The following NPHP1 variants were observed in gnomAD, a reference collection of about 807,000 sequenced individuals.
NPHP1 encodes nephrocystin-1.
In NPHP1, 70 loss-of-function variants were observed where a neutral mutation model predicts 90.4. The ratio of observed to expected loss-of-function variants is 0.77; its 90% confidence interval spans 0.64 to 0.95. The LOEUF (loss-of-function observed/expected upper bound fraction) is 0.95, where lower values mean the gene tolerates loss of function less well. NPHP1 is among the 40% of genes least tolerant of loss of function. The pLI, the probability that NPHP1 is intolerant of heterozygous loss-of-function variation, is 0.00. For synonymous variants in NPHP1, 256 were observed against 271.7 expected, an observed-to-expected ratio of 0.94 and a Z score of 0.57; for missense variants, 764 against 795.9, an observed-to-expected ratio of 0.96 and a Z score of 0.48.
chr2:110,164,917 C>T, intron 7 of NPHP1, 135 bp downstream of exon 7: 1 of 876,858 alleles, frequency 1.1e-6, no homozygotes, highest in Non-Finnish European at 1.9e-6. Flanking sequence ...GATCTTTAAG[C>T]AGACAATAGT....
Position 110,124,972 on chromosome 2 carries a change from C to T in NPHP1, c.1761+665G>A, listed in dbSNP as rs1679245458. 10 of 408,884 alleles carry T rather than the reference C, an allele frequency of 2.4e-5. No homozygotes were observed. In the East Asian group the frequency reaches 3.9e-4, roughly 16 times the overall value. 25.3% of individuals were successfully genotyped at this position (408,884 alleles called of 1,614,324 possible). On this transcript the variant is annotated intron_variant, in intron 19 of 19. Coordinates refer to ENST00000445609, the MANE Select transcript of NPHP1 (RefSeq NM_001128178.3). ...GGACTGGTAAAGTATGGACTGTGGG[C>T]CAAATGTGGACTCTCACCTCTTTTC... is the stretch of plus-strand genomic sequence containing the variant.
At chr2:110,155,193 A>G (rs1469213277) in intron 11 of NPHP1, among the ~76,000 whole-genome samples, 2 of 152,150 alleles carry the variant, frequency 1.3e-5, no homozygotes. Context: ...TCCATGTGGT[A>G]TTGAGCCTGC....
At chr2:110,182,252 C>T (rs1007730883) in intron 2 of NPHP1, among the ~76,000 whole-genome samples, 3 of 151,880 alleles carry the variant, frequency 2.0e-5, no homozygotes, top group African/African-American at 7.3e-5. Context: ...CCTAGCAAGA[C>T]AAGCCAACAT....
chr2:110,200,651 A>C (rs1474964257), intron 2 of NPHP1, among the ~76,000 whole-genome samples: 4 of 152,210 alleles, frequency 2.6e-5, no homozygotes, highest in Admixed American at 2.0e-4. Context: ...AATTCAGTCT[A>C]TAAATCTTAC....
At chr2:110,184,659 G>T in intron 2 of NPHP1, 1 of 772,688 alleles carries the variant, frequency 1.3e-6, no homozygotes, top group Non-Finnish European at 2.3e-6. Flanking sequence ...GCATAAGGAG[G>T]GCTATGATTT....
At chr2:110,158,840 C>A (rs1682099350) in intron 11 of NPHP1, among the ~76,000 whole-genome samples, 1 of 151,940 alleles carries the variant, frequency 6.6e-6, no homozygotes, top group African/African-American at 2.4e-5. Context: ...ATATCTTTGA[C>A]TTGTTCCTGG....
chr2:110,159,223 T>C (rs1682128729), intron 11 of NPHP1, among the ~76,000 whole-genome samples: 1 of 152,028 alleles, frequency 6.6e-6, no homozygotes, highest in African/African-American at 2.4e-5. Context: ...CTATGAAGGA[T>C]ACTGTCTGGT....
chr2:110,160,071 A>C (rs550756565), intron 11 of NPHP1, 56 bp downstream of exon 11: 1 of 1,569,754 alleles, frequency 6.4e-7, no homozygotes, highest in Non-Finnish European at 8.8e-7. Flanking sequence ...AAAGAATCTA[A>C]GGGAATGTTT....
intron 15 of NPHP1, 156 bp downstream of exon 15, chr2:110,144,337 T>C: frequency 1.6e-6 from 1 of 624,712 alleles, no homozygotes; most frequent in Non-Finnish European, 2.9e-6. Context: ...AGAAAATAAG[T>C]ACTTAAAAAT....
At chr2:110,187,089 A>C (rs1250750175) in intron 2 of NPHP1, among the ~76,000 whole-genome samples, 2 of 152,124 alleles carry the variant, frequency 1.3e-5, no homozygotes, top group Non-Finnish European at 2.9e-5. Flanking sequence ...TCAAGTTAAC[A>C]ACCTAACATC....
At position 110,176,298 on chromosome 2, in the gene NPHP1, T is replaced by C. The variant is rs116729861; in HGVS notation, c.329+2125A>G. ...AATATTGTATTTTTTAGTTATAGAA[T>C]GTTCATTTGATTTTTCTATATTTGA... On this transcript the variant is annotated intron_variant, in intron 4 of 19. Transcript: ENST00000445609. Among the ~76,000 whole-genome samples, 841 of 152,224 alleles carry C rather than the reference T, an allele frequency of 5.5e-3. 8 individuals carry two copies. Among genetic ancestry groups the C allele is most frequent in the African/African-American group, 0.019 (807 of 41,560 alleles).
chr2:110,171,992 A>T (rs912363061), intron 4 of NPHP1, among the ~76,000 whole-genome samples: 1 of 152,136 alleles, frequency 6.6e-6, no homozygotes, highest in Non-Finnish European at 1.5e-5. Context: ...TCTTTCTTAA[A>T]TGTTTACAAT....
At chr2:110,186,557 C>G (rs1684296248) in intron 2 of NPHP1, among the ~76,000 whole-genome samples, 1 of 152,152 alleles carries the variant, frequency 6.6e-6, no homozygotes, top group Non-Finnish European at 1.5e-5. Flanking sequence ...CTGGGGCCAG[C>G]CTGTCTTCAC....
chr2:110,168,980 T>C (rs888684345), intron 5 of NPHP1, among the ~76,000 whole-genome samples: 1 of 152,126 alleles, frequency 6.6e-6, no homozygotes, highest in Non-Finnish European at 1.5e-5. Context: ...AACCCTATTT[T>C]TGAGCAAAAA....
intron 1 of NPHP1, 145 bp downstream of exon 1, chr2:110,204,755 G>C: frequency 1.3e-6 from 1 of 783,146 alleles, no homozygotes; most frequent in East Asian, 2.7e-5. Context: ...AATGTTATGG[G>C]GTAAGGGGGC....
intron 13 of NPHP1, among the ~76,000 whole-genome samples, chr2:110,147,253 G>C (rs926668243): frequency 1.3e-5 from 2 of 151,930 alleles, no homozygotes; most frequent in Non-Finnish European, 2.9e-5. Context: ...TCAGTTGCTA[G>C]AGGCCCCTAA....
chr2:110,179,569 A>G lies in NPHP1; in HGVS notation c.204+55T>C, dbSNP rs1391350207. ...AACTTGAATTAACTTCCACTTAATA[A>G]AAATACTTGTATAGGAAGAGATGTT... On this transcript the variant is annotated intron_variant, in intron 3 of 19. Transcript: ENST00000445609. 4 of 879,708 alleles carry G rather than the reference A, an allele frequency of 4.5e-6. No individual in the cohort carries two copies. In the East Asian group the frequency reaches 1.0e-4, roughly 22 times the overall value. The allele number at this position is 879,708 out of a possible 1,614,324, so 54.5% of individuals were successfully genotyped here.
chr2:110,130,532 T>C (rs992316725), intron 17 of NPHP1, among the ~76,000 whole-genome samples: 1 of 152,182 alleles, frequency 6.6e-6, no homozygotes, highest in Admixed American at 6.5e-5. Flanking sequence ...GAGAACTTTC[T>C]GCGCTTCTCT....
chr2:110,180,245 C>T (rs1004590171), intron 2 of NPHP1, among the ~76,000 whole-genome samples: 1 of 152,054 alleles, frequency 6.6e-6, no homozygotes, highest in South Asian at 2.1e-4. Context: ...ACAGCACACT[C>T]CTGCTTTGAG....
Sources: allele counts gnomAD v4.1 joint callset (sites outside exome capture counted in the v4.1 genomes callset), GRCh38; gene constraint gnomAD v4.1.1; transcripts MANE v1.5; gene names NCBI Gene and HGNC (gene_info 2026-07-23, HGNC 2026-07-21).